The following STK33 variants were observed in gnomAD, a reference collection of about 807,000 sequenced individuals.
The protein encoded by STK33 is serine/threonine-protein kinase 33.
A neutral mutation model predicts 58.0 loss-of-function variants in STK33; 52 were observed. The observed-to-expected ratio is 0.90, with a 90% CI of 0.72 to 1.13. The LOEUF (loss-of-function observed/expected upper bound fraction) is 1.13. STK33 is among the 50% of genes most tolerant of loss of function. The pLI is 0.00. For synonymous variants in STK33, 215 were observed against 200.1 expected, an observed-to-expected ratio of 1.07 and a Z score of -0.63; for missense variants, 630 against 604.2, an observed-to-expected ratio of 1.04 and a Z score of -0.45.
downstream of STK33, among the ~76,000 whole-genome samples, chr11:8,387,527 C>T (rs981110874): frequency 3.3e-5 from 5 of 152,168 alleles, no homozygotes; most frequent in South Asian, 4.1e-4. Context: ...ATGGAAAGAA[C>T]TGATACACGT....
At chr11:8,540,857 A>G (rs545219359) in intron 1 of STK33, among the ~76,000 whole-genome samples, 1 of 152,266 alleles carries the variant, frequency 6.6e-6, no homozygotes, top group South Asian at 2.1e-4. Flanking sequence ...AAATTGTATT[A>G]TATTAGACAT....
chr11:8,442,990 G>A (rs1385621861), intron 11 of STK33, among the ~76,000 whole-genome samples: 1 of 152,166 alleles, frequency 6.6e-6, no homozygotes, highest in Admixed American at 6.5e-5. Context: ...GGAACTTTCT[G>A]GGGTGACAGA....
the STK33 span, among the ~76,000 whole-genome samples, chr11:8,351,823 C>T: frequency 3.3e-5 from 5 of 152,362 alleles, no homozygotes; most frequent in Admixed American, 2.6e-4. Flanking sequence ...GATACCACCA[C>T]GAGCTCCTCC....
intron 1 of STK33, among the ~76,000 whole-genome samples, chr11:8,572,804 A>C (rs1283344828): frequency 6.6e-6 from 1 of 152,106 alleles, no homozygotes; most frequent in African/African-American, 2.4e-5. Flanking sequence ...AATAGATAGA[A>C]TTAACAGCAG....
chr11:8,514,085 C>T (rs1952561983), intron 1 of STK33, among the ~76,000 whole-genome samples: 1 of 152,104 alleles, frequency 6.6e-6, no homozygotes, highest in African/African-American at 2.4e-5. Flanking sequence ...CTTTCTGTGC[C>T]TGGCTTATTT....
At chr11:8,478,996 T>A (rs1240678841) in intron 2 of STK33, among the ~76,000 whole-genome samples, 1 of 152,238 alleles carries the variant, frequency 6.6e-6, no homozygotes, top group African/African-American at 2.4e-5. Context: ...AGAATTTTTT[T>A]AAATGTTTGA....
At chr11:8,512,412 T>G (rs897674368) in intron 1 of STK33, among the ~76,000 whole-genome samples, 2 of 152,034 alleles carry the variant, frequency 1.3e-5, no homozygotes, top group Admixed American at 6.6e-5. Context: ...GTATACAAAG[T>G]GCTACTGGCT....
At chr11:8,542,149 C>A (rs750314597) in intron 1 of STK33, among the ~76,000 whole-genome samples, 5 of 152,110 alleles carry the variant, frequency 3.3e-5, no homozygotes, top group East Asian at 1.9e-4. Flanking sequence ...ATAGTAGGTT[C>A]TTTGATTCAG....
At chr11:8,526,073 A>G (rs183610763) in intron 1 of STK33, among the ~76,000 whole-genome samples, 1 of 152,332 alleles carries the variant, frequency 6.6e-6, no homozygotes, top group African/African-American at 2.4e-5. Flanking sequence ...AAAGAAGCAG[A>G]AAAAAGAGAA....
chr11:8,382,884 C>G, the STK33 span, among the ~76,000 whole-genome samples: 1 of 152,280 alleles, frequency 6.6e-6, no homozygotes. Context: ...CCCCAGAGCG[C>G]TGACTCAACA....
chr11:8,446,739 C>T (rs1011796622), intron 11 of STK33, among the ~76,000 whole-genome samples: 12 of 151,956 alleles, frequency 7.9e-5, no homozygotes, highest in African/African-American at 2.4e-4. Flanking sequence ...ATTTAATAAA[C>T]GATGTTGGGA....
At chr11:8,584,598 G>A (rs573000951) in intron 1 of STK33, among the ~76,000 whole-genome samples, 7 of 152,312 alleles carry the variant, frequency 4.6e-5, no homozygotes, top group East Asian at 1.9e-4. Flanking sequence ...TAATGCCAAC[G>A]TCAGCAACAC....
At chr11:8,405,931 A>G (rs1041908593) in intron 15 of STK33, among the ~76,000 whole-genome samples, 9 of 152,116 alleles carry the variant, frequency 5.9e-5, no homozygotes, top group Admixed American at 2.0e-4. Flanking sequence ...TCACGAGGTC[A>G]GGAGATCGAG....
chr11:8,475,877 T>G (rs1462332351), intron 4 of STK33: 1 of 152,230 alleles, frequency 6.6e-6, no homozygotes, highest in African/African-American at 2.4e-5. Context: ...GTAGATTCTG[T>G]AGTCATAGAT....
At chr11:8,392,756 A>T (rs1450721404) in intron 15 of STK33, 46 bp from the exon 16 acceptor site, 3 of 1,593,776 alleles carry the variant, frequency 1.9e-6, no homozygotes, top group Non-Finnish European at 2.6e-6. Context: ...AAAGCAATGC[A>T]CATCAATTCA....
chr11:8,351,035 G>A, the STK33 span, among the ~76,000 whole-genome samples: 2 of 152,108 alleles, frequency 1.3e-5, no homozygotes, highest in Non-Finnish European at 1.5e-5. Flanking sequence ...AGCTGGCCCT[G>A]GGGATGGCTT....
At chr11:8,351,315 T>C in the STK33 span, among the ~76,000 whole-genome samples, 1 of 152,218 alleles carries the variant, frequency 6.6e-6, no homozygotes, top group Admixed American at 6.5e-5. Flanking sequence ...CTACCTCTAC[T>C]TTTAATGTCT....
chr11:8,586,764 C>T (rs1384789420), intron 1 of STK33, among the ~76,000 whole-genome samples: 1 of 135,970 alleles, frequency 7.4e-6, no homozygotes, highest in Non-Finnish European at 1.5e-5. Context: ...GTGGAGGTTG[C>T]AGTGAGCCAA....
intron 1 of STK33, among the ~76,000 whole-genome samples, chr11:8,572,056 T>C: frequency 6.7e-6 from 1 of 149,352 alleles, no homozygotes; most frequent in South Asian, 2.1e-4. Context: ...AATTAATTAA[T>C]TTTAAAATTA....
Sources: gnomAD v4.1 joint callset for allele counts (sites outside exome capture counted in the v4.1 genomes callset) on GRCh38, gnomAD v4.1.1 for gene constraint, MANE v1.5 for transcripts, NCBI Gene and HGNC (gene_info 2026-07-23, HGNC 2026-07-21) for gene names.